Variants in CRTC1 observed in about 807,000 individuals in gnomAD.
The protein encoded by CRTC1 is CREB regulated transcription coactivator 1.
In CRTC1, 18 loss-of-function variants were observed where a neutral mutation model predicts 66.1. The observed-to-expected ratio is 0.27, with a 90% CI of 0.19 to 0.40. CRTC1 has a LOEUF of 0.40. CRTC1 is among the 10% of genes least tolerant of loss of function. The pLI is 1.00. For missense variants in CRTC1, 669 were observed against 887.9 expected, an observed-to-expected ratio of 0.75 and a Z score of 3.13; for synonymous variants, 416 against 398.8, an observed-to-expected ratio of 1.04 and a Z score of -0.51.
intron 1 of CRTC1, among the ~76,000 whole-genome samples, chr19:18,703,190 T>A (rs946863549): frequency 9.2e-5 from 14 of 152,184 alleles, no homozygotes; most frequent in Admixed American, 7.2e-4. Context: ...GGTTTCACCT[T>A]GTTAGCCAGG....
chr19:18,764,355 C>T (rs1431982394), intron 8 of CRTC1, among the ~76,000 whole-genome samples: 3 of 152,220 alleles, frequency 2.0e-5, no homozygotes, highest in East Asian at 1.9e-4. Context: ...CGGCTGTTAT[C>T]GTCGCCATCT....
intron 1 of CRTC1, among the ~76,000 whole-genome samples, chr19:18,687,530 G>A (rs1199832580): frequency 6.6e-6 from 1 of 152,170 alleles, no homozygotes; most frequent in Non-Finnish European, 1.5e-5. Context: ...CCTGGAGCAG[G>A]TGAATGAACC....
chr19:18,752,454 G>A (rs1172376981), intron 5 of CRTC1, among the ~76,000 whole-genome samples: 2 of 152,132 alleles, frequency 1.3e-5, no homozygotes, highest in Non-Finnish European at 2.9e-5. Context: ...GCATAGCTGG[G>A]ACTACAGGTG....
At position 18,701,713 on chromosome 19, in the gene CRTC1, CT is replaced by C. The variant is rs1292828196; in HGVS notation, c.126+17886del. 2.6e-5 allele frequency among the ~76,000 whole-genome samples: 4 copies of C among 152,288 alleles called. No homozygotes were observed. In the East Asian group the frequency reaches 7.7e-4, roughly 29 times the overall value. Reference sequence around the variant, plus strand: ...GTCCACCTCCTGGGTTCAAGCGATTCTCCTACCTCAGCCTCCTGAGTAGCTG... The same window carrying C: ...GTCCACCTCCTGGGTTCAAGCGATTCCCTACCTCAGCCTCCTGAGTAGCTG... On this transcript the variant is annotated intron_variant, in intron 1 of 13. Transcript: ENST00000321949.
At chr19:18,757,740 G>A (rs943283294) in intron 6 of CRTC1, among the ~76,000 whole-genome samples, 10 of 152,184 alleles carry the variant, frequency 6.6e-5, no homozygotes, top group Non-Finnish European at 1.3e-4. Flanking sequence ...AATTAGGCTG[G>A]GTGCAGTGGC....
intron 8 of CRTC1, among the ~76,000 whole-genome samples, chr19:18,761,075 C>A (rs1028007890): frequency 1.3e-5 from 2 of 152,260 alleles, no homozygotes; most frequent in Middle Eastern, 3.4e-3. Context: ...TAGCCCCAGT[C>A]CCACCTCAGG....
chr19:18,780,146 T>A lies in CRTC1; in HGVS notation c.*2764T>A. The A allele has an allele frequency of 4.3e-6, 1 of 232,136 alleles. No homozygotes were observed. Among genetic ancestry groups the A allele is most frequent in the Non-Finnish European group, 8.5e-6 (1 of 117,354 alleles). The allele number at this position is 232,136 out of a possible 1,614,324, so 14.4% of individuals were successfully genotyped here. A position where few individuals can be genotyped will look rare whatever the true frequency, so the allele number is the denominator to read the frequency against. On this transcript the variant is annotated 3_prime_UTR_variant, in exon 14 of 14. Transcript: ENST00000321949. Reference sequence around the variant, plus strand: ...GAGGGGCAGGCCCACGTGGGGAGGTTGCGCCGTGTACATAGACCCGCCGTC... The same window carrying A: ...GAGGGGCAGGCCCACGTGGGGAGGTAGCGCCGTGTACATAGACCCGCCGTC...
intron 1 of CRTC1, among the ~76,000 whole-genome samples, chr19:18,720,059 C>G (rs1180528439): frequency 6.6e-6 from 1 of 152,260 alleles, no homozygotes; most frequent in Non-Finnish European, 1.5e-5. Flanking sequence ...TGCAAAGGAT[C>G]TGTTCCCCCA....
chr19:18,764,575 G>A (rs1187925419), intron 8 of CRTC1, among the ~76,000 whole-genome samples: 1 of 152,362 alleles, frequency 6.6e-6, no homozygotes, highest in Non-Finnish European at 1.5e-5. Flanking sequence ...AAGGGCCTTC[G>A]GGGCCGGGGT....
intron 1 of CRTC1, among the ~76,000 whole-genome samples, chr19:18,712,707 C>G (rs925224165): frequency 6.6e-6 from 1 of 152,146 alleles, no homozygotes; most frequent in African/African-American, 2.4e-5. Context: ...TTCCTATAAT[C>G]CCAACGCTTT....
chr19:18,717,872 G>C (rs768623978), intron 1 of CRTC1, among the ~76,000 whole-genome samples: 7 of 152,050 alleles, frequency 4.6e-5, no homozygotes, highest in Non-Finnish European at 8.8e-5. Flanking sequence ...AGGGCCCCTG[G>C]GGAGAAGGCC....
At chr19:18,691,915 A>G (rs982889328) in intron 1 of CRTC1, among the ~76,000 whole-genome samples, 3 of 151,860 alleles carry the variant, frequency 2.0e-5, no homozygotes, top group Admixed American at 1.3e-4. Flanking sequence ...GGTTCATCCT[A>G]TTGGCCAGGC....
intron 6 of CRTC1, among the ~76,000 whole-genome samples, chr19:18,757,860 CAAA>C (rs1342843234): frequency 2.6e-4 from 38 of 145,882 alleles, no homozygotes; most frequent in Middle Eastern, 3.8e-3. Context: ...ACTAAAAATA[CAAA>C]AAAAATTAGC....
At chr19:18,707,332 T>C (rs2053289494) in intron 1 of CRTC1, among the ~76,000 whole-genome samples, 1 of 152,232 alleles carries the variant, frequency 6.6e-6, no homozygotes, top group Non-Finnish European at 1.5e-5. Context: ...GATCTTGTTT[T>C]TCCAGAGCCG....
chr19:18,777,632 C>G lies in CRTC1; in HGVS notation c.*250C>G. ...GGATCGGAGGCCGTGAGCCTCCCGC[C>G]CCTGCAGACCCTCCCTGCACTGGCT... On this transcript the variant is annotated 3_prime_UTR_variant, in exon 14 of 14. Coordinates refer to ENST00000321949, the MANE Select transcript of CRTC1 (RefSeq NM_015321.3). The surrounding 1 kb of genome is among the most constrained non-coding windows in gnomAD (Gnocchi z 5.5). The G allele has an allele frequency of 2.0e-6, 1 of 509,244 alleles. No individual in the cohort carries two copies. Among genetic ancestry groups the G allele is most frequent in the South Asian group, 2.3e-5 (1 of 43,996 alleles). 31.5% of individuals were successfully genotyped at this position (509,244 alleles called of 1,614,324 possible). A position where few individuals can be genotyped will look rare whatever the true frequency, so the allele number is the denominator to read the frequency against.
At position 18,768,637 on chromosome 19, in the gene CRTC1, G is replaced by T. The variant is rs781240043; in HGVS notation, c.1164G>T (p.Ala388=). The T allele has an allele frequency of 2.8e-6, 4 of 1,451,586 alleles. No individual in the cohort carries two copies. Among genetic ancestry groups the T allele is most frequent in the South Asian group, 1.3e-5 (1 of 79,382 alleles). 89.9% of individuals were successfully genotyped at this position (1,451,586 alleles called of 1,614,324 possible). ...QQPPPPPPPQ[A]PVRLPPGGPL... is the part of the protein sequence containing the mutation. ...CACCACCCCCGCCACCCCCACAGGC[G>T]CCCGTCCGCCTGCCCCCTGGTGGCC... The change falls in exon 10 of 14, where the codon GCG becomes GCT. Residue 388 remains alanine, a synonymous_variant. Transcript: ENST00000321949. The surrounding 1 kb of genome is among the most constrained non-coding windows in gnomAD (Gnocchi z 5.6).
chr19:18,730,373 C>G (rs946021749), intron 1 of CRTC1, among the ~76,000 whole-genome samples: 1 of 152,120 alleles, frequency 6.6e-6, no homozygotes, highest in Non-Finnish European at 1.5e-5. Context: ...CCTGGTGCAG[C>G]CCCTGGACTT....
chr19:18,695,371 C>T (rs2052959824), intron 1 of CRTC1, among the ~76,000 whole-genome samples: 1 of 152,124 alleles, frequency 6.6e-6, no homozygotes, highest in Non-Finnish European at 1.5e-5. Flanking sequence ...GGGGTCTGCC[C>T]TGGGTAGAGA....
At chr19:18,700,163 C>G (rs972275274) in intron 1 of CRTC1, among the ~76,000 whole-genome samples, 6 of 152,178 alleles carry the variant, frequency 3.9e-5, no homozygotes, top group Non-Finnish European at 8.8e-5. Context: ...ATAAAATTCC[C>G]CCTTCTCTGT....
Sources: gnomAD v4.1 joint callset for allele counts (sites outside exome capture counted in the v4.1 genomes callset) on GRCh38, gnomAD v4.1.1 for gene constraint, Gnocchi (gnomAD v3.1) non-coding constraint, MANE v1.5 for transcripts, NCBI Gene and HGNC (gene_info 2026-07-23, HGNC 2026-07-21) for gene names.